The following CFAP206 variants were observed in gnomAD, a reference collection of about 807,000 sequenced individuals.
CFAP206 encodes the protein cilia and flagella associated protein 206.
Under a neutral mutation model 65.4 loss-of-function variants are expected in CFAP206, and 53 were observed. The observed-to-expected ratio is 0.81, with a 90% CI of 0.65 to 1.02. The LOEUF is 1.02. Ranked by LOEUF, CFAP206 falls within the 50% of genes least tolerant of loss-of-function variation. CFAP206 has a pLI of 0.00. For synonymous variants in CFAP206, 250 were observed against 254.4 expected, an observed-to-expected ratio of 0.98 and a Z score of 0.17; for missense variants, 663 against 753.2, an observed-to-expected ratio of 0.88 and a Z score of 1.40.
intron 11 of CFAP206, among the ~76,000 whole-genome samples, chr6:87,440,988 T>C (rs547513701): frequency 4.7e-4 from 71 of 152,284 alleles, no homozygotes; most frequent in South Asian, 1.9e-3. Flanking sequence ...ATGGAAGATA[T>C]AGTATGTAGC....
At chr6:87,457,206 G>T (rs9450697) in intron 11 of CFAP206, among the ~76,000 whole-genome samples, 42,057 of 150,626 alleles carry the variant, frequency 0.28, 6,052 homozygotes, top group Admixed American at 0.38. Flanking sequence ...CATGTTAATG[G>T]ATTGGAAAAA....
intron 11 of CFAP206, chr6:87,444,672 T>C (rs1768414793): frequency 3.0e-6 from 1 of 334,726 alleles, no homozygotes; most frequent in South Asian, 2.6e-5. Context: ...CTGATCCCTC[T>C]GGGCTCTCTC....
intron 7 of CFAP206, among the ~76,000 whole-genome samples, chr6:87,423,546 G>C (rs778047715): frequency 4.5e-4 from 68 of 152,314 alleles, no homozygotes; most frequent in Non-Finnish European, 8.4e-4. Flanking sequence ...ACCGCGCCCG[G>C]CCCAGCCTTA....
In CFAP206 at chr6:87,431,087, C is replaced by A; in HGVS notation, c.1214C>A (p.Thr405Lys). 2.5e-6 allele frequency: 4 copies of A among 1,613,846 alleles called. No individual in the cohort carries two copies. The highest frequency in any genetic ancestry group is 3.4e-6 in the Non-Finnish European group (4 of 1,179,816). Residue 405 changes from threonine to lysine, a missense_variant, in exon 10 of 13, where the codon ACA becomes AAA. By Grantham distance (78) the Thr-to-Lys change is moderately conservative. Transcript: ENST00000369562. ...AAACTAGAATGGCTTTTCCCAGAAA[C>A]AACAGCAAATTTTGATAAACTGTTA... is the stretch of plus-strand genomic sequence containing the variant. ...FRKLEWLFPE[T>K]TANFDKLLIQ...
rs139428459 is a variant in CFAP206 at position 87,415,950 on chromosome 6, G to GAAGTGTTA, written c.472+80_472+87dup. 1,413 of 1,071,258 alleles carry GAAGTGTTA rather than the reference G, an allele frequency of 1.3e-3. 2 individuals are homozygous for GAAGTGTTA. The highest frequency in any genetic ancestry group is 1.6e-3 in the Non-Finnish European group (1,260 of 812,226). The allele number at this position is 1,071,258 out of a possible 1,614,324, so 66.4% of individuals were successfully genotyped here. A position where few individuals can be genotyped will look rare whatever the true frequency, so the allele number is the denominator to read the frequency against. On this transcript the variant is annotated intron_variant, in intron 5 of 12. Coordinates refer to ENST00000369562, the MANE Select transcript of CFAP206 (RefSeq NM_001031743.3). The stretch of plus-strand genomic sequence containing the variant: ...GTATTTTATAAAACATGTTAAATTA[G>GAAGTGTTA]AAGTGTTAAAGATTGAAGTTCCCTT...
chr6:87,417,023 A>G (rs1396241898), intron 6 of CFAP206, among the ~76,000 whole-genome samples, 196 bp downstream of exon 6: 1 of 152,194 alleles, frequency 6.6e-6, no homozygotes, highest in Non-Finnish European at 1.5e-5. Flanking sequence ...TTTACATTTT[A>G]TGTACCATGA....
chr6:87,442,680 T>C (rs1768378385), intron 11 of CFAP206, among the ~76,000 whole-genome samples: 1 of 152,130 alleles, frequency 6.6e-6, no homozygotes, highest in South Asian at 2.1e-4. Flanking sequence ...CTGAGAGTTT[T>C]TTATATGAAT....
chr6:87,458,050 G>A (rs190093375), intron 11 of CFAP206, among the ~76,000 whole-genome samples: 5 of 152,152 alleles, frequency 3.3e-5, no homozygotes, highest in Admixed American at 3.3e-4. Flanking sequence ...TATACAAATG[G>A]CAAATAGATA....
chr6:87,418,436 C>G lies in CFAP206; in HGVS notation c.840+20C>G. On this transcript the variant is annotated intron_variant, in intron 7 of 12. Transcript: ENST00000369562. ...ATTTTGGTGAGTTAAGTTCATAAGA[C>G]CTGACCTTTTCTATATAATGCAATC... is the stretch of plus-strand genomic sequence containing the variant. 6.3e-7 allele frequency: 1 copy of G among 1,599,704 alleles called. No homozygotes were observed. The highest frequency in any genetic ancestry group is 1.7e-5 in the Admixed American group (1 of 59,978).
rs929196753 is a variant in CFAP206, at chr6:87,447,421, A to G, written c.1494+12368A>G. On this transcript the variant is annotated intron_variant, in intron 11 of 12. Coordinates refer to ENST00000369562, the MANE Select transcript of CFAP206 (RefSeq NM_001031743.3). ...GAGATGTTGAATTCTACGGAATTCA[A>G]TATTGAGATAATCATGTGGTTTTTG... Among the ~76,000 whole-genome samples the G allele has an allele frequency of 2.0e-5, 3 of 151,264 alleles. No homozygotes were observed. The Admixed American group carries it at 2.0e-4, about 10-fold the overall frequency.
chr6:87,411,296 G>A (rs562353768), intron 3 of CFAP206, among the ~76,000 whole-genome samples: 50 of 152,318 alleles, frequency 3.3e-4, no homozygotes, highest in African/African-American at 1.2e-3. Context: ...GTGATGTTGA[G>A]CATTTTTTTC....
chr6:87,438,544 T>C (rs1768312208), intron 11 of CFAP206, among the ~76,000 whole-genome samples: 1 of 152,126 alleles, frequency 6.6e-6, no homozygotes, highest in Non-Finnish European at 1.5e-5. Context: ...GAAATATTTT[T>C]TCTGTGTAAA....
In CFAP206 at chr6:87,413,934, A is replaced by T. The variant is rs1178782638; in HGVS notation, c.283+34A>T. On this transcript the variant is annotated intron_variant, in intron 4 of 12. Coordinates refer to ENST00000369562, the MANE Select transcript of CFAP206 (RefSeq NM_001031743.3). The stretch of plus-strand genomic sequence containing the variant: ...TACTACCTATTTTTATACTTAAAAA[A>T]TTTCATACTGTGTTTCAGCTAAGAA... 3.7e-6 allele frequency: 4 copies of T among 1,091,794 alleles called. No homozygotes were observed. The African/African-American group carries it at 4.9e-5, about 13-fold the overall frequency. The allele number at this position is 1,091,794 out of a possible 1,614,324, so 67.6% of individuals were successfully genotyped here.
chr6:87,439,276 G>A (rs964106792), intron 11 of CFAP206, among the ~76,000 whole-genome samples: 3 of 151,970 alleles, frequency 2.0e-5, no homozygotes, highest in African/African-American at 7.2e-5. Context: ...AAACTTGATG[G>A]ATTTAGTTAT....
intron 7 of CFAP206, among the ~76,000 whole-genome samples, chr6:87,425,613 C>T (rs184347283): frequency 6.6e-5 from 10 of 152,078 alleles, no homozygotes; most frequent in Admixed American, 3.9e-4. Context: ...TAAAGACAGG[C>T]GATTAAAGGC....
Position 87,415,764 on chromosome 6 carries a change from C to G in CFAP206, c.362C>G (p.Ala121Gly), listed in dbSNP as rs1160122345. 3.1e-6 allele frequency: 5 copies of G among 1,613,450 alleles called. No individual in the cohort carries two copies. The highest frequency in any genetic ancestry group is 3.3e-5 in the Admixed American group (2 of 59,980). The change falls in exon 5 of 13, where the codon GCA becomes GGA. Residue 121 changes from alanine to glycine, a missense_variant. By Grantham distance (60) the Ala-to-Gly change is moderately conservative. Transcript: ENST00000369562. ...SVTREITDNRACAKEELESLY... is the reference protein window; with the variant it reads ...SVTREITDNRGCAKEELESLY... ...ACCCGAGAAATTACAGATAACAGAG[C>G]ATGTGCTAAAGAAGAATTGGAAAGC... is the stretch of plus-strand genomic sequence containing the variant.
rs1156331373 is a variant in CFAP206, at chr6:87,418,378, A to G, written c.802A>G (p.Asn268Asp). The G allele has an allele frequency of 6.2e-6, 10 of 1,614,058 alleles. No homozygotes were observed. The highest frequency in any genetic ancestry group is 1.6e-4 in the Middle Eastern group (1 of 6,084). Residue 268 changes from asparagine (N) to aspartate (D), a missense_variant, in exon 7 of 13, where the codon AAT (asparagine) becomes GAT (aspartate). Physicochemically the swap from Asn to Asp is conservative, Grantham distance 23. Coordinates refer to ENST00000369562, the MANE Select transcript of CFAP206 (RefSeq NM_001031743.3). ...QPYMLKEALY[N>D]IRQYEVFLQI... Reference sequence around the variant, plus strand: ...ATATATGTTAAAAGAAGCGCTATATAATATACGACAATATGAGGTCTTCCT... The same window carrying G: ...ATATATGTTAAAAGAAGCGCTATATGATATACGACAATATGAGGTCTTCCT...
rs570784607 is a variant in CFAP206, at chr6:87,424,226, G to A, written c.841-2300G>A. On this transcript the variant is annotated intron_variant, in intron 7 of 12. Transcript: ENST00000369562. ...TTCTCATTTGTACTTATCCCTTTTT[G>A]TATTTGTAAGTATTTAATGTGGTGC... 7.9e-5 allele frequency among the ~76,000 whole-genome samples: 12 copies of A among 152,086 alleles called. No individual in the cohort carries two copies. The South Asian group carries it at 2.3e-3, about 29-fold the overall frequency.
rs1361033142 is a variant in CFAP206 at position 87,434,866 on chromosome 6, C to T, written c.1307C>T (p.Pro436Leu). ...ATDGLLLPGN[P>L]AIGILKYKEK... ...ATTCTTTTTTTATTTTCAGGAAATC[C>T]AGCAATTGGAATTTTAAAATATAAA... Residue 436 changes from proline to leucine, a missense_variant, in exon 11 of 13, where the codon CCA becomes CTA. Pro to Leu is a moderately conservative substitution (Grantham distance 98, BLOSUM62 -3). Transcript: ENST00000369562. The T allele has an allele frequency of 2.2e-6, 3 of 1,334,082 alleles. No homozygotes were observed. The South Asian group carries it at 4.0e-5, about 18-fold the overall frequency. The allele number at this position is 1,334,082 out of a possible 1,614,324, so 82.6% of individuals were successfully genotyped here. A position where few individuals can be genotyped will look rare whatever the true frequency, so the allele number is the denominator to read the frequency against.
Sources: gnomAD v4.1 joint callset for allele counts (sites outside exome capture counted in the v4.1 genomes callset) on GRCh38, gnomAD v4.1.1 for gene constraint, MANE v1.5 for transcripts, NCBI Gene and HGNC (gene_info 2026-07-23, HGNC 2026-07-21) for gene names.